MXRA8: variants seen among roughly 807,000 people sequenced by gnomAD.
MXRA8 encodes the protein matrix remodeling associated 8.
A neutral mutation model predicts 51.4 loss-of-function variants in MXRA8; 44 were observed. The observed-to-expected ratio is 0.86, with a 90% CI of 0.67 to 1.10. The LOEUF is 1.10. Ranked by LOEUF, MXRA8 falls within the 50% of genes least tolerant of loss-of-function variation. MXRA8 has a pLI of 0.00. For synonymous variants in MXRA8, 369 were observed against 293.5 expected, an observed-to-expected ratio of 1.26 and a Z score of -2.63; for missense variants, 765 against 638.9, an observed-to-expected ratio of 1.20 and a Z score of -2.13.
intron 1 of MXRA8, 86 bp from the exon 2 acceptor site, chr1:1,356,790 G>A: frequency 8.2e-7 from 1 of 1,218,244 alleles, no homozygotes; most frequent in Non-Finnish European, 1.1e-6. Flanking sequence ...AGTCCCTCCT[G>A]TAGTCCCAAA....
At chr1:1,360,244 G>T (rs1253844803), upstream of MXRA8, among the ~76,000 whole-genome samples, 3 of 152,246 alleles carry the variant, frequency 2.0e-5, no homozygotes, top group East Asian at 5.8e-4. Context: ...CAGGCCAGAG[G>T]CTGTCGTCTG....
chr1:1,363,081 C>CAAAAAAAAAAAAAAAAAAAAAAA (rs200811419), upstream of MXRA8, among the ~76,000 whole-genome samples: 1 of 126,320 alleles, frequency 7.9e-6, no homozygotes, highest in African/African-American at 2.7e-5. Flanking sequence ...GACTCCGTCT[C>CAAAAAAAAAAAAAAAAAAAAAAA]AAAAAAAAAA....
At chr1:1,361,843 A>C, upstream of MXRA8, 1 of 160,364 alleles carries the variant, frequency 6.2e-6, no homozygotes, top group Non-Finnish European at 1.4e-5. Context: ...GGCACCAGGA[A>C]CCCCTGCGGG....
chr1:1,354,645 C>G (rs1308455241), intron 5 of MXRA8, 37 bp downstream of exon 5: 9 of 1,539,180 alleles, frequency 5.8e-6, no homozygotes, highest in African/African-American at 1.4e-5. Context: ...GTGGGGTGGG[C>G]TCCCGCCTTC....
intron 1 of MXRA8, 70 bp from the exon 2 acceptor site, chr1:1,356,774 C>A: frequency 7.8e-7 from 1 of 1,286,280 alleles, no homozygotes; most frequent in Non-Finnish European, 1.0e-6. Flanking sequence ...CCCACTTGGC[C>A]CCCAGAGTCC....
At position 1,355,028 on chromosome 1, in the gene MXRA8, A is replaced by T. The variant is rs147996767; in HGVS notation, c.603T>A (p.Ala201=). ...GCCGGTCCCAGTGCACCACCTGTTG[A>T]GCCTCCTCCACGTGCCGGTCGGTCC... is the stretch of plus-strand genomic sequence containing the variant. The part of the protein sequence containing the change: ...HVWTDRHVEE[A]QQVVHWDRQP... Residue 201 remains alanine (A), a synonymous_variant, in exon 5 of 10, where the codon GCT becomes GCA. Transcript: ENST00000309212. 27 of 1,607,574 alleles carry T rather than the reference A, an allele frequency of 1.7e-5. No individual in the cohort carries two copies. Among genetic ancestry groups the T allele is most frequent in the Non-Finnish European group, 2.2e-5 (26 of 1,178,258 alleles).
At chr1:1,361,044 A>G (rs1644216141), upstream of MXRA8, among the ~76,000 whole-genome samples, 1 of 151,904 alleles carries the variant, frequency 6.6e-6, no homozygotes, top group African/African-American at 2.4e-5. Flanking sequence ...ACATGAAGAC[A>G]CGGAGACACA....
Position 1,356,691 on chromosome 1 carries a change from G to A in MXRA8, c.63C>T (p.Leu21=), listed in dbSNP as rs1051689555. 1.4e-6 allele frequency: 2 copies of A among 1,428,180 alleles called. No individual in the cohort carries two copies. Among genetic ancestry groups the A allele is most frequent in the Non-Finnish European group, 1.9e-6 (2 of 1,079,432 alleles). The allele number at this position is 1,428,180 out of a possible 1,614,324, so 88.5% of individuals were successfully genotyped here. Residue 21 remains leucine (L), a synonymous_variant, in exon 2 of 10, where the codon CTC becomes CTT. Coordinates refer to ENST00000309212, the MANE Select transcript of MXRA8 (RefSeq NM_032348.4). ...KLVLLQSSAV[L]LHSGSSVPAA... ...GCTGGGGTCACTAACCTGAGTGCAG[G>A]AGAACAGCAGAGCCTGGAAGGAGAG...
At position 1,354,115 on chromosome 1, in the gene MXRA8, C is replaced by G; in HGVS notation, c.1146-9G>C. The stretch of plus-strand genomic sequence containing the variant: ...CCAAGTTAACATCCTTCCTGGATGG[C>G]GAGGGTGGGAGGAGGTTACAGCTGG... On this transcript the variant is annotated splice_polypyrimidine_tract_variant and intron_variant, in intron 7 of 9. Transcript: ENST00000309212. The G allele has an allele frequency of 1.1e-5, 17 of 1,612,756 alleles. No individual in the cohort carries two copies. Among genetic ancestry groups the G allele is most frequent in the Non-Finnish European group, 1.4e-5 (17 of 1,179,938 alleles).
chr1:1,354,175 C>T lies in MXRA8; in HGVS notation c.1145+18G>A, dbSNP rs200245401. On this transcript the variant is annotated intron_variant, in intron 7 of 9. Coordinates refer to ENST00000309212, the MANE Select transcript of MXRA8 (RefSeq NM_032348.4). Reference sequence around the variant, plus strand: ...AGGGGGCCCTGGTCCCCAGGAGGGCCGGGAGGGGGGCACTCACCCCTTTGA... The same window carrying T: ...AGGGGGCCCTGGTCCCCAGGAGGGCTGGGAGGGGGGCACTCACCCCTTTGA... The T allele has an allele frequency of 9.3e-4, 1,501 of 1,612,720 alleles. 23 individuals carry two copies. Among genetic ancestry groups the T allele is most frequent in the Admixed American group, 1.8e-3 (106 of 60,012 alleles).
chr1:1,356,462 C>G (rs1475545802), intron 2 of MXRA8, among the ~76,000 whole-genome samples: 1 of 78,244 alleles, frequency 1.3e-5, no homozygotes, highest in African/African-American at 5.3e-5. Context: ...GTGCGGGAGT[C>G]TGTGGGGGAG....
Position 1,355,453 on chromosome 1 carries a change from G to T in MXRA8, c.373C>A (p.Arg125Ser). 7.3e-6 allele frequency: 11 copies of T among 1,499,478 alleles called. No individual in the cohort carries two copies. Among genetic ancestry groups the T allele is most frequent in the Non-Finnish European group, 9.7e-6 (11 of 1,134,348 alleles). The allele number at this position is 1,499,478 out of a possible 1,614,324, so 92.9% of individuals were successfully genotyped here. A position where few individuals can be genotyped will look rare whatever the true frequency, so the allele number is the denominator to read the frequency against. The change falls in exon 3 of 10, where the codon CGC (arginine) becomes AGC (serine). Residue 125 changes from arginine to serine, a missense_variant. By Grantham distance (110) the Arg-to-Ser change is moderately radical. Coordinates refer to ENST00000309212, the MANE Select transcript of MXRA8 (RefSeq NM_032348.4). ...FDDGNFSLLI[R>S]AVEETDAGLY... is the part of the protein sequence containing the mutation. ...CCCCGGTCCCCGGTCCCCGCACCGC[G>T]GATGAGCAGCGAGAAGTTGCCGTCG... is the stretch of plus-strand genomic sequence containing the variant.
Position 1,354,431 on chromosome 1 carries a change from C to G in MXRA8, c.1028G>C (p.Gly343Ala). 6.2e-7 allele frequency: 1 copy of G among 1,612,452 alleles called. No homozygotes were observed. The highest frequency in any genetic ancestry group is 2.2e-5 in the East Asian group (1 of 44,874). ...GAGCAGCAGCGTGGCCAGCACGTAGCCCAGCTGCTGGAAGAAGTGGGCTCG... is the reference window on the plus strand; with the variant it reads ...GAGCAGCAGCGTGGCCAGCACGTAGGCCAGCTGCTGGAAGAAGTGGGCTCG... Reference protein sequence around the residue: ...ESRAHFFQQLGYVLATLLLFI... With the variant: ...ESRAHFFQQLAYVLATLLLFI... Residue 343 changes from glycine (G) to alanine (A), a missense_variant, in exon 6 of 10, where the codon GGC becomes GCC. Coordinates refer to ENST00000309212, the MANE Select transcript of MXRA8 (RefSeq NM_032348.4).
At chr1:1,359,180 G>T (rs1204007260), upstream of MXRA8, 1 of 985,202 alleles carries the variant, frequency 1.0e-6, no homozygotes, top group Admixed American at 6.1e-5. Flanking sequence ...GGGACCCTGA[G>T]CACTGGGAGG....
At chr1:1,359,640 G>A (rs1481342727), upstream of MXRA8, 7 of 932,158 alleles carry the variant, frequency 7.5e-6, no homozygotes, top group Non-Finnish European at 9.0e-6. Flanking sequence ...GTGGTCTCAG[G>A]GCGAGGGGAG....
chr1:1,354,756 G>A lies in MXRA8; in HGVS notation c.875C>T (p.Ala292Val), dbSNP rs780768153. 2 of 1,611,264 alleles carry A rather than the reference G, an allele frequency of 1.2e-6. No individual in the cohort carries two copies. The highest frequency in any genetic ancestry group is 3.3e-5 in the Admixed American group (2 of 59,944). Residue 292 changes from alanine to valine, a missense_variant, in exon 5 of 10, where the codon GCC becomes GTC. By Grantham distance (64) the Ala-to-Val change is moderately conservative. Coordinates refer to ENST00000309212, the MANE Select transcript of MXRA8 (RefSeq NM_032348.4). ...HERRVFHLTV[A>V]EPHAEPPPRG... ...GGGGGGCGGCTCCGCGTGGGGTTCG[G>A]CGACCGTCAGGTGGAAGACGCGGCG...
Position 1,353,518 on chromosome 1 carries a change from G to T in MXRA8, c.*86C>A. On this transcript the variant is annotated 3_prime_UTR_variant, in exon 10 of 10. Transcript: ENST00000309212. ...AGCGGGACCAGCCGCTGGAAGGGGG[G>T]TGAGCCCCGGAGCATCAGGAGATGC... is the stretch of plus-strand genomic sequence containing the variant. The T allele has an allele frequency of 1.3e-6, 2 of 1,516,836 alleles. No individual in the cohort carries two copies. Among genetic ancestry groups the T allele is most frequent in the Non-Finnish European group, 1.8e-6 (2 of 1,130,786 alleles). The allele number at this position is 1,516,836 out of a possible 1,614,324, so 94.0% of individuals were successfully genotyped here.
rs1365568137 is a variant in MXRA8 at position 1,355,553 on chromosome 1, C to T, written c.273G>A (p.Leu91=). ...ACACGCGCTGCTCGCCCGCCGAGTA[C>T]AAGTCCAGCAGGCGCCGCGCGGGGC... The part of the protein sequence containing the change: ...GGGPARRLLD[L]YSAGEQRVYE... The change falls in exon 3 of 10, where the codon TTG becomes TTA. Residue 91 remains leucine, a synonymous_variant. Coordinates refer to ENST00000309212, the MANE Select transcript of MXRA8 (RefSeq NM_032348.4). The T allele has an allele frequency of 6.7e-7, 1 of 1,489,944 alleles. No homozygotes were observed. The highest frequency in any genetic ancestry group is 8.9e-7 in the Non-Finnish European group (1 of 1,128,772). 92.3% of individuals were successfully genotyped at this position (1,489,944 alleles called of 1,614,324 possible).
In MXRA8 at chr1:1,355,148, C is replaced by G; in HGVS notation, c.483G>C (p.Pro161=). 1 of 1,209,092 alleles carries G rather than the reference C, an allele frequency of 8.3e-7. No homozygotes were observed. Among genetic ancestry groups the G allele is most frequent in the African/African-American group, 1.8e-5 (1 of 54,470 alleles). 74.9% of individuals were successfully genotyped at this position (1,209,092 alleles called of 1,614,324 possible). ...CGCCGTCCCAGTAGGCGGGGGTGGCCGGGGCTGCGGAGGGGGCGCGGTCAG... is the reference window on the plus strand; with the variant it reads ...CGCCGTCCCAGTAGGCGGGGGTGGCGGGGGCTGCGGAGGGGGCGCGGTCAG... ...AVRLEVTDGP[P]ATPAYWDGEK... Residue 161 remains proline (P), a synonymous_variant, in exon 5 of 10, where the codon CCG becomes CCC. Transcript: ENST00000309212.
Sources: allele counts gnomAD v4.1 joint callset (sites outside exome capture counted in the v4.1 genomes callset), GRCh38; gene constraint gnomAD v4.1.1; transcripts MANE v1.5; gene names NCBI Gene and HGNC (gene_info 2026-07-23, HGNC 2026-07-21).